ERC2: variants seen among roughly 807,000 people sequenced by gnomAD.
The protein encoded by ERC2 is ELKS/RAB6-interacting/CAST family member 2, also known as ERC protein 2.
Under a neutral mutation model 114.8 loss-of-function variants are expected in ERC2, and 42 were observed. The observed-to-expected ratio is 0.37, with a 90% CI of 0.29 to 0.47. The LOEUF is 0.47. ERC2 is among the 20% of genes least tolerant of loss of function. The pLI, the probability that ERC2 is intolerant of heterozygous loss-of-function variation, is 0.99. For synonymous variants in ERC2, 454 were observed against 425.5 expected (o/e 1.07, Z -0.82); for missense variants, 939 against 1,150.7 (o/e 0.82, Z 2.66).
chr3:56,248,943 C>G (rs763626123), intron 3 of ERC2, among the ~76,000 whole-genome samples: 1 of 152,184 alleles, frequency 6.6e-6, no homozygotes, highest in African/African-American at 2.4e-5. Flanking sequence ...GAGTTTTAGA[C>G]AAGATCTTTT....
At chr3:56,242,328 C>T (rs766132038) in intron 3 of ERC2, among the ~76,000 whole-genome samples, 10 of 151,816 alleles carry the variant, frequency 6.6e-5, no homozygotes, top group Non-Finnish European at 1.5e-4. Flanking sequence ...GGATGGAAGG[C>T]GGAAGAGATA....
At chr3:55,532,752 C>CT (rs1421398448) in intron 17 of ERC2, among the ~76,000 whole-genome samples, 1 of 152,186 alleles carries the variant, frequency 6.6e-6, no homozygotes, top group Non-Finnish European at 1.5e-5. Flanking sequence ...ATCTCATGGA[C>CT]ATAAAGGTAC....
chr3:56,280,601 C>T (rs1380940343), intron 3 of ERC2, among the ~76,000 whole-genome samples: 1 of 152,162 alleles, frequency 6.6e-6, no homozygotes, highest in African/African-American at 2.4e-5. Context: ...ATGTATGGTG[C>T]TGGTGCTCAA....
intron 13 of ERC2, among the ~76,000 whole-genome samples, chr3:55,904,120 C>T (rs1358247861): frequency 2.0e-5 from 3 of 152,190 alleles, no homozygotes; most frequent in Non-Finnish European, 4.4e-5. Flanking sequence ...GAAATGTTCT[C>T]ATGTACAGCA....
intron 2 of ERC2, among the ~76,000 whole-genome samples, chr3:56,350,279 A>G (rs1350436536): frequency 6.6e-6 from 1 of 152,256 alleles, no homozygotes; most frequent in East Asian, 1.9e-4. Context: ...GTCAACTACA[A>G]TAGAAGCTGG....
At chr3:55,824,873 G>C (rs1021116755) in intron 14 of ERC2, among the ~76,000 whole-genome samples, 4 of 152,184 alleles carry the variant, frequency 2.6e-5, no homozygotes, top group Non-Finnish European at 4.4e-5. Context: ...CCCAAACGTG[G>C]TTAGCCGTTG....
At chr3:55,580,450 C>T (rs1401263518) in intron 17 of ERC2, among the ~76,000 whole-genome samples, 1 of 152,164 alleles carries the variant, frequency 6.6e-6, no homozygotes, top group Non-Finnish European at 1.5e-5. Context: ...AATGCATTTC[C>T]TTTGGAAATC....
chr3:55,691,575 T>A lies in ERC2; in HGVS notation c.2848-7716A>T, dbSNP rs2643620. Among the ~76,000 whole-genome samples the A allele has an allele frequency of 4.6e-3, 250 of 53,898 alleles. 1 individual carries two copies. Among genetic ancestry groups the A allele is most frequent in the African/African-American group, 0.011 (119 of 10,710 alleles). The allele number at this position is 53,898 out of a possible 152,430, so 35.4% of individuals were successfully genotyped here. A position where few individuals can be genotyped will look rare whatever the true frequency, so the allele number is the denominator to read the frequency against. On this transcript the variant is annotated intron_variant, in intron 16 of 17. Transcript: ENST00000288221. Reference sequence around the variant, plus strand: ...AAAAAAAAAAAAAAAAAAAAAAAAATATATATATATATATATATATATATA... The same window carrying A: ...AAAAAAAAAAAAAAAAAAAAAAAAAAATATATATATATATATATATATATA...
intron 3 of ERC2, among the ~76,000 whole-genome samples, chr3:56,211,198 C>T (rs2049038380): frequency 6.6e-6 from 1 of 152,024 alleles, no homozygotes; most frequent in African/African-American, 2.4e-5. Context: ...ACCTGGAAAA[C>T]CCTAAAGACT....
chr3:56,006,183 T>C (rs895498896), intron 10 of ERC2, among the ~76,000 whole-genome samples: 3 of 152,220 alleles, frequency 2.0e-5, no homozygotes, highest in Admixed American at 2.0e-4. Context: ...AACATCTCTG[T>C]AAAGTGAATA....
At chr3:56,022,804 G>C (rs1232157886) in intron 7 of ERC2, among the ~76,000 whole-genome samples, 5 of 152,176 alleles carry the variant, frequency 3.3e-5, no homozygotes, top group Non-Finnish European at 7.3e-5. Flanking sequence ...CAAAGTATGA[G>C]ATAGGCCTGA....
chr3:55,697,408 G>A (rs897575641), intron 16 of ERC2, among the ~76,000 whole-genome samples: 1 of 151,946 alleles, frequency 6.6e-6, no homozygotes, highest in Non-Finnish European at 1.5e-5. Context: ...CAACAACGTG[G>A]CTTAGCCAGA....
chr3:56,081,278 G>C (rs144006051), intron 6 of ERC2, among the ~76,000 whole-genome samples: 8 of 152,186 alleles, frequency 5.3e-5, no homozygotes, highest in African/African-American at 1.7e-4. Flanking sequence ...CAACATGTTT[G>C]TCTAAGCTTG....
intron 14 of ERC2, among the ~76,000 whole-genome samples, chr3:55,856,028 T>C (rs1353778559): frequency 6.6e-6 from 1 of 152,222 alleles, no homozygotes; most frequent in African/African-American, 2.4e-5. Flanking sequence ...CTGAGAAAGA[T>C]GGAGCTCAGG....
chr3:55,906,240 G>A (rs1012120285), intron 13 of ERC2, among the ~76,000 whole-genome samples: 1 of 151,962 alleles, frequency 6.6e-6, no homozygotes, highest in African/African-American at 2.4e-5. Flanking sequence ...AGACCACCCT[G>A]GCTAACACGG....
chr3:56,007,005 T>A (rs1576537433), intron 10 of ERC2, among the ~76,000 whole-genome samples, 176 bp downstream of exon 10: 1 of 152,220 alleles, frequency 6.6e-6, no homozygotes, highest in South Asian at 2.1e-4. Context: ...TTTTTCAGGT[T>A]TACAGACAGA....
intron 13 of ERC2, among the ~76,000 whole-genome samples, chr3:55,892,338 C>T (rs2063649642): frequency 6.6e-6 from 1 of 152,116 alleles, no homozygotes; most frequent in Non-Finnish European, 1.5e-5. Context: ...GGCAACATGG[C>T]AAAACTGCAT....
chr3:55,715,034 T>C (rs775285600), intron 15 of ERC2, among the ~76,000 whole-genome samples: 4 of 152,070 alleles, frequency 2.6e-5, no homozygotes, highest in Non-Finnish European at 5.9e-5. Flanking sequence ...CAACAGTCCA[T>C]TCAATGGAGC....
chr3:55,674,288 T>C (rs568058653), intron 17 of ERC2, among the ~76,000 whole-genome samples: 145 of 152,320 alleles, frequency 9.5e-4, no homozygotes, highest in Admixed American at 1.8e-3. Flanking sequence ...CTCTAGAGCC[T>C]GGGTACTGCC....
Sources: gnomAD v4.1 joint callset for allele counts (sites outside exome capture counted in the v4.1 genomes callset) on GRCh38, gnomAD v4.1.1 for gene constraint, MANE v1.5 for transcripts, NCBI Gene and HGNC (gene_info 2026-07-23, HGNC 2026-07-21) for gene names.